Variants in DEPDC1B observed in about 807,000 individuals in gnomAD.
DEPDC1B encodes DEP domain containing 1B.
Under a neutral mutation model 66.5 loss-of-function variants are expected in DEPDC1B, and 51 were observed. The observed-to-expected ratio is 0.77, with a 90% CI of 0.61 to 0.97. The LOEUF (loss-of-function observed/expected upper bound fraction) is 0.97. Ranked by LOEUF, DEPDC1B falls within the 50% of genes least tolerant of loss-of-function variation. The pLI is 0.00. For missense variants in DEPDC1B, 552 were observed against 637.1 expected (o/e 0.87, Z 1.44); for synonymous variants, 226 against 223.6 (o/e 1.01, Z -0.10).
intron 7 of DEPDC1B, among the ~76,000 whole-genome samples, chr5:60,606,737 G>A (rs1168892145): frequency 6.6e-6 from 1 of 150,914 alleles, no homozygotes; most frequent in Non-Finnish European, 1.5e-5. Context: ...AGGTTACAGT[G>A]AGCCATAATG....
chr5:60,655,038 T>C (rs1348501217), intron 2 of DEPDC1B, among the ~76,000 whole-genome samples: 1 of 149,300 alleles, frequency 6.7e-6, no homozygotes, highest in Non-Finnish European at 1.5e-5. Context: ...AGTATTTTAT[T>C]GAGGATTTTT....
intron 1 of DEPDC1B, chr5:60,687,753 T>C (rs1754455882): frequency 5.3e-6 from 1 of 188,616 alleles, no homozygotes; most frequent in Non-Finnish European, 1.1e-5. Flanking sequence ...CTCGAACTCT[T>C]GATCTCAAGT....
At chr5:60,699,938 G>T in intron 1 of DEPDC1B, 108 bp downstream of exon 1, 1 of 1,353,036 alleles carries the variant, frequency 7.4e-7, no homozygotes, top group Non-Finnish European at 1.0e-6. Flanking sequence ...CTCCACACCC[G>T]AGCCCCGCTG....
chr5:60,674,770 C>G (rs1754117870), intron 2 of DEPDC1B, among the ~76,000 whole-genome samples: 1 of 152,104 alleles, frequency 6.6e-6, no homozygotes, highest in Non-Finnish European at 1.5e-5. Context: ...GGAACAGAAA[C>G]AAATTCTGGC....
chr5:60,693,386 C>T (rs1398720451), intron 1 of DEPDC1B, among the ~76,000 whole-genome samples: 1 of 152,012 alleles, frequency 6.6e-6, no homozygotes, highest in Admixed American at 6.5e-5. Flanking sequence ...AGAAAGGAAG[C>T]CCATAAAGAG....
rs1753183963 is a variant in DEPDC1B, at chr5:60,641,221, G to T, written c.757+1591C>A. Among the ~76,000 whole-genome samples the T allele has an allele frequency of 3.3e-5, 5 of 151,988 alleles. No individual in the cohort carries two copies. The South Asian group carries it at 1.0e-3, about 32-fold the overall frequency. On this transcript the variant is annotated intron_variant, in intron 6 of 10. Transcript: ENST00000265036. ...CACATGCTGCTTGAGGGAAAATTAT[G>T]TTCTTTACTACATTTCAGTAATCAT...
chr5:60,665,236 AT>A (rs1435145271), intron 2 of DEPDC1B, among the ~76,000 whole-genome samples: 1 of 152,310 alleles, frequency 6.6e-6, no homozygotes, highest in South Asian at 2.1e-4. Context: ...ACCAATGAAA[AT>A]TACTTAAAAC....
chr5:60,646,082 C>T (rs1023746296), intron 3 of DEPDC1B, among the ~76,000 whole-genome samples: 3 of 152,128 alleles, frequency 2.0e-5, no homozygotes, highest in Admixed American at 6.5e-5. Context: ...GTGCAATGTT[C>T]GAAAGTAGCC....
chr5:60,669,102 G>A (rs990857973), intron 2 of DEPDC1B, among the ~76,000 whole-genome samples: 1 of 152,052 alleles, frequency 6.6e-6, no homozygotes, highest in Admixed American at 6.5e-5. Context: ...GCCAAATATT[G>A]GCTGGAGAAA....
At chr5:60,675,440 C>A (rs1016601162) in intron 2 of DEPDC1B, among the ~76,000 whole-genome samples, 2 of 152,110 alleles carry the variant, frequency 1.3e-5, no homozygotes, top group African/African-American at 4.8e-5. Flanking sequence ...GGAACAAACC[C>A]ATCACAAAGA....
At chr5:60,691,721 T>C (rs368152413) in intron 1 of DEPDC1B, among the ~76,000 whole-genome samples, 2 of 152,250 alleles carry the variant, frequency 1.3e-5, no homozygotes, top group Admixed American at 6.5e-5. Flanking sequence ...TACAAAGATG[T>C]TAAACCTCAT....
intron 8 of DEPDC1B, among the ~76,000 whole-genome samples, chr5:60,604,215 A>ATTTTTTTTTTTTTTTTTTTTT (rs1323826916): frequency 6.7e-5 from 4 of 60,080 alleles, no homozygotes; most frequent in Non-Finnish European, 1.6e-4. Context: ...GAAATTAACT[A>ATTTTTTTTTTTTTTTTTTTTT]TTCTTTTTTT....
intron 1 of DEPDC1B, among the ~76,000 whole-genome samples, chr5:60,690,329 C>A (rs1281137035): frequency 6.6e-6 from 1 of 151,890 alleles, no homozygotes; most frequent in Non-Finnish European, 1.5e-5. Flanking sequence ...AAATAGATAC[C>A]ATAAATATAA....
intron 2 of DEPDC1B, among the ~76,000 whole-genome samples, chr5:60,679,389 G>A (rs982369572): frequency 2.0e-5 from 3 of 152,072 alleles, no homozygotes; most frequent in African/African-American, 7.2e-5. Flanking sequence ...TAAATCTGGC[G>A]ATAGCTACAT....
intron 1 of DEPDC1B, among the ~76,000 whole-genome samples, chr5:60,696,633 T>C (rs1056789657): frequency 6.6e-6 from 1 of 152,174 alleles, no homozygotes; most frequent in Non-Finnish European, 1.5e-5. Context: ...TTCATGACAT[T>C]ATATTTGAAG....
chr5:60,597,567 C>G lies in DEPDC1B; in HGVS notation c.*186G>C, dbSNP rs1259065518. ...TTTAACCAATTTATACACTTTAAAACTAGCATTGAGTTTTATAAAAATACT... is the reference window on the plus strand; with the variant it reads ...TTTAACCAATTTATACACTTTAAAAGTAGCATTGAGTTTTATAAAAATACT... On this transcript the variant is annotated 3_prime_UTR_variant, in exon 11 of 11. Coordinates refer to ENST00000265036, the MANE Select transcript of DEPDC1B (RefSeq NM_018369.3). The G allele has an allele frequency of 1.7e-6, 1 of 578,102 alleles. No individual in the cohort carries two copies. The highest frequency in any genetic ancestry group is 2.9e-6 in the Non-Finnish European group (1 of 350,400). 35.8% of individuals were successfully genotyped at this position (578,102 alleles called of 1,614,324 possible).
At chr5:60,696,106 C>A (rs1293425264) in intron 1 of DEPDC1B, among the ~76,000 whole-genome samples, 2 of 152,120 alleles carry the variant, frequency 1.3e-5, no homozygotes, top group Admixed American at 6.5e-5. Flanking sequence ...GTGAAAATTT[C>A]TTTTTGTGAA....
chr5:60,654,524 T>C (rs773218266), intron 2 of DEPDC1B, among the ~76,000 whole-genome samples: 3 of 148,754 alleles, frequency 2.0e-5, no homozygotes, highest in Non-Finnish European at 4.4e-5. Flanking sequence ...CAGGAGCTTT[T>C]TGGATGAGTC....
chr5:60,681,096 T>C (rs1427403342), intron 2 of DEPDC1B, among the ~76,000 whole-genome samples: 2 of 152,318 alleles, frequency 1.3e-5, no homozygotes, highest in South Asian at 4.1e-4. Context: ...TCTAGAACAT[T>C]AGTTCCTTCC....
Sources: allele counts gnomAD v4.1 joint callset (sites outside exome capture counted in the v4.1 genomes callset), GRCh38; gene constraint gnomAD v4.1.1; transcripts MANE v1.5; gene names NCBI Gene and HGNC (gene_info 2026-07-23, HGNC 2026-07-21).